RYR2: variants seen among roughly 807,000 people sequenced by gnomAD.
The protein encoded by RYR2 is cardiac muscle ryanodine receptor-calcium release channel.
Under a neutral mutation model 601.1 loss-of-function variants are expected in RYR2, and 227 were observed. That is an observed-to-expected ratio of 0.38 (90% CI 0.34 to 0.42). The LOEUF (loss-of-function observed/expected upper bound fraction) is 0.42, where lower values mean the gene tolerates loss of function less well. Among genes scored for constraint, RYR2 ranks in the 10% least tolerant of loss-of-function variants. The pLI, the probability that RYR2 is intolerant of heterozygous loss-of-function variation, is 1.00. For missense variants in RYR2, 4,646 were observed against 6,156.5 expected (o/e 0.75, Z 8.21); for synonymous variants, 2,223 against 2,175.1 (o/e 1.02, Z -0.61).
intron 97 of RYR2, among the ~76,000 whole-genome samples, chr1:237,798,936 CATA>C (rs1456529621): frequency 6.6e-6 from 1 of 152,088 alleles, no homozygotes; most frequent in Non-Finnish European, 1.5e-5. Flanking sequence ...TTGGAAGAAA[CATA>C]ATACTTTCTC....
chr1:237,424,901 C>T (rs1356881870), intron 12 of RYR2, among the ~76,000 whole-genome samples: 1 of 152,158 alleles, frequency 6.6e-6, no homozygotes, highest in Non-Finnish European at 1.5e-5. Context: ...CACTTTATTT[C>T]TACAGTAGGT....
At position 237,655,820 on chromosome 1, in the gene RYR2, G is replaced by C. The variant is rs1553270488; in HGVS notation, c.7966-1G>C. On this transcript the variant is annotated splice_acceptor_variant, in intron 52 of 104. Transcript: ENST00000366574. LOFTEE classifies it high-confidence loss of function. ...TTTTTTTGGTCCTCCATTTTTCCCAGAAATATGAACAAGAACTTTTCAAAC... is the reference window on the plus strand; with the variant it reads ...TTTTTTTGGTCCTCCATTTTTCCCACAAATATGAACAAGAACTTTTCAAAC... The C allele has an allele frequency of 6.3e-7, 1 of 1,576,178 alleles. No individual in the cohort carries two copies. Among genetic ancestry groups the C allele is most frequent in the Non-Finnish European group, 8.6e-7 (1 of 1,164,600 alleles).
chr1:237,457,100 A>G, intron 16 of RYR2, among the ~76,000 whole-genome samples: 1 of 152,174 alleles, frequency 6.6e-6, no homozygotes, highest in Non-Finnish European at 1.5e-5. Context: ...CTTTGGTTAA[A>G]GGAGGAGAAA....
At chr1:237,459,362 A>G (rs1019945436) in intron 16 of RYR2, among the ~76,000 whole-genome samples, 5 of 152,132 alleles carry the variant, frequency 3.3e-5, no homozygotes, top group South Asian at 2.1e-4. Context: ...AACTGGTAGG[A>G]TTGCTTGAGG....
At chr1:237,115,643 GA>G in intron 1 of RYR2, among the ~76,000 whole-genome samples, 1 of 152,152 alleles carries the variant, frequency 6.6e-6, no homozygotes, top group Non-Finnish European at 1.5e-5. Flanking sequence ...ACAATGTGAT[GA>G]AGCCCCAAAC....
intron 1 of RYR2, among the ~76,000 whole-genome samples, chr1:237,112,084 A>G (rs1478682792): frequency 6.6e-6 from 1 of 152,096 alleles, no homozygotes; most frequent in East Asian, 1.9e-4. Flanking sequence ...TTCCCCCTCC[A>G]TCACTGGATG....
At chr1:237,364,447 ATCTG>A in intron 5 of RYR2, 75 bp downstream of exon 5, 8 of 758,704 alleles carry the variant, frequency 1.1e-5, no homozygotes, top group Non-Finnish European at 1.2e-5. Context: ...ATATGTATGT[ATCTG>A]CATATTAGTA....
intron 29 of RYR2, among the ~76,000 whole-genome samples, chr1:237,570,402 A>C (rs1364241343): frequency 6.7e-6 from 1 of 149,708 alleles, no homozygotes; most frequent in Non-Finnish European, 1.5e-5. Context: ...TCAGTGGCGC[A>C]ATCTCAGCTC....
chr1:237,341,467 T>A (rs1349103347), intron 3 of RYR2, among the ~76,000 whole-genome samples: 1 of 152,158 alleles, frequency 6.6e-6, no homozygotes, highest in Non-Finnish European at 1.5e-5. Flanking sequence ...CCTTCCTGCA[T>A]TTTTTTGGTG....
At chr1:237,567,034 A>G (rs1046041478) in intron 28 of RYR2, among the ~76,000 whole-genome samples, 1 of 152,206 alleles carries the variant, frequency 6.6e-6, no homozygotes, top group Non-Finnish European at 1.5e-5. Context: ...AATGTTAAAG[A>G]TACATATGTA....
intron 1 of RYR2, among the ~76,000 whole-genome samples, chr1:237,058,887 A>AT (rs1273936104): frequency 1.3e-5 from 2 of 151,886 alleles, no homozygotes; most frequent in Non-Finnish European, 2.9e-5. Context: ...CTGTAGAGTG[A>AT]TAAAAAAAAA....
At chr1:237,176,359 G>A (rs1678063082) in intron 1 of RYR2, among the ~76,000 whole-genome samples, 1 of 149,738 alleles carries the variant, frequency 6.7e-6, no homozygotes, top group South Asian at 2.1e-4. Context: ...TCATGTTGTA[G>A]AATTTTCTCA....
intron 3 of RYR2, among the ~76,000 whole-genome samples, chr1:237,338,858 G>A (rs1697493177): frequency 2.0e-5 from 3 of 152,166 alleles, no homozygotes; most frequent in Non-Finnish European, 4.4e-5. Flanking sequence ...TTCCATTAAA[G>A]CACATTGGGG....
intron 101 of RYR2, among the ~76,000 whole-genome samples, chr1:237,824,880 T>C (rs568084111): frequency 6.6e-6 from 1 of 152,052 alleles, no homozygotes; most frequent in South Asian, 2.1e-4. Flanking sequence ...ACACCAATAA[T>C]AGACAAACAG....
chr1:237,813,167 A>G (rs2149460516), intron 100 of RYR2, among the ~76,000 whole-genome samples: 1 of 152,266 alleles, frequency 6.6e-6, no homozygotes, highest in East Asian at 1.9e-4. Context: ...GGAGGCCAGG[A>G]AAGGCTACAA....
At chr1:237,205,425 A>G (rs932441106) in intron 1 of RYR2, among the ~76,000 whole-genome samples, 22 of 152,156 alleles carry the variant, frequency 1.4e-4, no homozygotes, top group Admixed American at 1.4e-3. Flanking sequence ...ATCCTGGGAC[A>G]GGTGCTTGCA....
chr1:237,186,190 TTCTC>T (rs1222732980), intron 1 of RYR2, among the ~76,000 whole-genome samples: 1 of 152,176 alleles, frequency 6.6e-6, no homozygotes, highest in South Asian at 2.1e-4. Flanking sequence ...AAAAATGTTT[TTCTC>T]TCTCTCTTTC....
chr1:237,639,089 T>C lies in RYR2; in HGVS notation c.7003T>C (p.Leu2335=). The C allele has an allele frequency of 6.2e-7, 1 of 1,613,814 alleles. No homozygotes were observed. The highest frequency in any genetic ancestry group is 8.5e-7 in the Non-Finnish European group (1 of 1,179,846). The part of the protein sequence containing the change: ...IRRPECFGPA[L]RGEGGNGLLA... ...GAGGCCTGAGTGTTTTGGTCCTGCTTTGAGAGGAGAAGGTGGGAATGGGCT... is the reference window on the plus strand; with the variant it reads ...GAGGCCTGAGTGTTTTGGTCCTGCTCTGAGAGGAGAAGGTGGGAATGGGCT... The change falls in exon 46 of 105, where the codon TTG becomes CTG. Residue 2335 remains leucine, a synonymous_variant. Coordinates refer to ENST00000366574, the MANE Select transcript of RYR2 (RefSeq NM_001035.3).
chr1:237,115,810 G>A (rs757242279), intron 1 of RYR2, among the ~76,000 whole-genome samples: 65 of 152,124 alleles, frequency 4.3e-4, no homozygotes, highest in Non-Finnish European at 6.9e-4. Flanking sequence ...TTGCTGCAAA[G>A]TTTTAAAAAT....
Sources: gnomAD v4.1 joint callset for allele counts (sites outside exome capture counted in the v4.1 genomes callset) on GRCh38, gnomAD v4.1.1 for gene constraint, MANE v1.5 for transcripts, NCBI Gene and HGNC (gene_info 2026-07-23, HGNC 2026-07-21) for gene names.